BTBD9: variants seen among roughly 807,000 people sequenced by gnomAD.
BTBD9 encodes the protein BTB domain containing 9.
A neutral mutation model predicts 64.3 loss-of-function variants in BTBD9; 49 were observed. That is an observed-to-expected ratio of 0.76 (90% confidence interval 0.61 to 0.97). BTBD9 has a LOEUF of 0.97. BTBD9 is among the 50% of genes least tolerant of loss of function. BTBD9 has a pLI of 0.00. For missense variants in BTBD9, 598 were observed against 762.1 expected (o/e 0.78, Z 2.53); for synonymous variants, 260 against 274.7 (o/e 0.95, Z 0.53).
intron 10 of BTBD9, among the ~76,000 whole-genome samples, chr6:38,191,946 A>G (rs979704546): frequency 1.3e-5 from 2 of 152,254 alleles, no homozygotes; most frequent in Non-Finnish European, 2.9e-5. Context: ...GTGGCACACC[A>G]TAGAGCCAAT....
rs1767410044 is a variant in BTBD9 at position 38,411,187 on chromosome 6, A to G, written c.1155-66094T>C. Among the ~76,000 whole-genome samples the G allele has an allele frequency of 2.0e-5, 3 of 152,240 alleles. No individual in the cohort carries two copies. In the South Asian group the frequency reaches 6.2e-4, roughly 31 times the overall value. On this transcript the variant is annotated intron_variant, in intron 6 of 10. Coordinates refer to ENST00000481247, the MANE Select transcript of BTBD9 (RefSeq NM_001099272.2). ...TTAATAACATCTCAGTAAGAATACC[A>G]TAACCCATTCCCCATCAAAATTAGA...
At chr6:38,295,193 C>T (rs1762113717) in intron 7 of BTBD9, among the ~76,000 whole-genome samples, 2 of 152,066 alleles carry the variant, frequency 1.3e-5, no homozygotes. Context: ...GAGACACGGT[C>T]TCATTCTGTC....
chr6:38,180,585 C>G (rs1180899381), intron 10 of BTBD9, among the ~76,000 whole-genome samples: 1 of 152,166 alleles, frequency 6.6e-6, no homozygotes, highest in Non-Finnish European at 1.5e-5. Flanking sequence ...TCAAGTGATT[C>G]AATTTCTTTT....
In BTBD9 at chr6:38,241,807, T is replaced by C. The variant is rs137876920; in HGVS notation, c.1562+14602A>G. Among the ~76,000 whole-genome samples, 316 of 152,228 alleles carry C rather than the reference T, an allele frequency of 2.1e-3. 1 individual carries two copies. Among genetic ancestry groups the C allele is most frequent in the African/African-American group, 7.3e-3 (302 of 41,522 alleles). ...AAAACAGAGGGAAAAAAACCACACA[T>C]GCAAGTCTCTTTTCGTGGAAGGAAA... On this transcript the variant is annotated intron_variant, in intron 9 of 10. Transcript: ENST00000481247.
intron 6 of BTBD9, among the ~76,000 whole-genome samples, chr6:38,387,158 T>C (rs989699210): frequency 6.6e-6 from 1 of 152,246 alleles, no homozygotes; most frequent in Non-Finnish European, 1.5e-5. Flanking sequence ...AATCAAATCA[T>C]GTTTCTTTTT....
intron 6 of BTBD9, among the ~76,000 whole-genome samples, chr6:38,420,836 C>T (rs1267466295): frequency 6.6e-6 from 1 of 151,914 alleles, no homozygotes; most frequent in South Asian, 2.1e-4. Flanking sequence ...AGCTTGGCAA[C>T]AGAGTGAGAC....
chr6:38,465,706 ATTAT>A (rs1463671471), intron 6 of BTBD9, among the ~76,000 whole-genome samples: 11 of 60,392 alleles, frequency 1.8e-4, no homozygotes, highest in African/African-American at 5.4e-4. Context: ...AAATAAATAA[ATTAT>A]ATATATATAT....
intron 6 of BTBD9, among the ~76,000 whole-genome samples, chr6:38,388,969 A>G (rs1450093809): frequency 1.3e-5 from 2 of 152,212 alleles, no homozygotes. Flanking sequence ...AGCATTTTAA[A>G]CAAAGGGGGA....
intron 9 of BTBD9, among the ~76,000 whole-genome samples, chr6:38,206,571 A>T (rs1485124643): frequency 6.7e-6 from 1 of 148,484 alleles, no homozygotes; most frequent in Non-Finnish European, 1.5e-5. Context: ...ACAAATGATA[A>T]AAAAAAAAAG....
chr6:38,348,208 G>T (rs1582270416), intron 6 of BTBD9, among the ~76,000 whole-genome samples: 1 of 152,176 alleles, frequency 6.6e-6, no homozygotes, highest in Non-Finnish European at 1.5e-5. Flanking sequence ...GAATGGGAGA[G>T]TCCTCTCTCT....
intron 1 of BTBD9, among the ~76,000 whole-genome samples, chr6:38,629,456 T>C (rs1241858362): frequency 2.0e-5 from 3 of 152,212 alleles, no homozygotes; most frequent in African/African-American, 7.2e-5. Flanking sequence ...ACATCACATC[T>C]ATATTACCGC....
intron 10 of BTBD9, among the ~76,000 whole-genome samples, chr6:38,176,026 C>G (rs1761227995): frequency 6.6e-6 from 1 of 152,256 alleles, no homozygotes; most frequent in African/African-American, 2.4e-5. Flanking sequence ...AACACCGTGC[C>G]AGCACTGTGC....
In BTBD9 at chr6:38,171,386, A is replaced by G. The variant is rs1766751777; in HGVS notation, c.*3599T>C. On this transcript the variant is annotated 3_prime_UTR_variant, in exon 11 of 11. Coordinates refer to ENST00000481247, the MANE Select transcript of BTBD9 (RefSeq NM_001099272.2). ...ATTTCTTTTCCCAACTCTTCTAGGA[A>G]TAAAACACTTTTAATGTATTTGTCA... is the stretch of plus-strand genomic sequence containing the variant. 1 of 152,206 alleles carries G rather than the reference A, an allele frequency of 6.6e-6. No individual in the cohort carries two copies. 9.4% of individuals were successfully genotyped at this position (152,206 alleles called of 1,614,324 possible).
intron 6 of BTBD9, among the ~76,000 whole-genome samples, chr6:38,380,722 G>A (rs1273686610): frequency 6.6e-6 from 1 of 152,166 alleles, no homozygotes; most frequent in Non-Finnish European, 1.5e-5. Flanking sequence ...ATGTGCGCCT[G>A]TAGTCCCAGC....
chr6:38,374,694 C>T (rs1765614834), intron 6 of BTBD9, among the ~76,000 whole-genome samples: 1 of 152,122 alleles, frequency 6.6e-6, no homozygotes, highest in African/African-American at 2.4e-5. Context: ...TGCACACACA[C>T]AACAGACACC....
chr6:38,380,300 A>G (rs899081988), intron 6 of BTBD9, among the ~76,000 whole-genome samples: 1 of 152,240 alleles, frequency 6.6e-6, no homozygotes, highest in African/African-American at 2.4e-5. Flanking sequence ...ATTCTGAAAG[A>G]TATACTTCAG....
chr6:38,627,866 T>A (rs959391801), intron 1 of BTBD9, among the ~76,000 whole-genome samples: 1 of 151,874 alleles, frequency 6.6e-6, no homozygotes, highest in African/African-American at 2.4e-5. Flanking sequence ...TTGACAGGAG[T>A]GAGACTCATG....
intron 9 of BTBD9, among the ~76,000 whole-genome samples, chr6:38,238,252 T>C (rs1401792423): frequency 2.6e-5 from 4 of 152,126 alleles, no homozygotes; most frequent in Non-Finnish European, 4.4e-5. Context: ...GTGCTCAAGG[T>C]GGTCATTTGG....
Position 38,328,968 on chromosome 6 carries a change from ATGTGTGTGTG to A in BTBD9, c.1264+16006_1264+16015del, listed in dbSNP as rs70981541. 6.2e-3 allele frequency among the ~76,000 whole-genome samples: 793 copies of A among 127,334 alleles called. 6 individuals carry two copies. Among genetic ancestry groups the A allele is most frequent in the African/African-American group, 9.8e-3 (325 of 33,184 alleles). 83.5% of individuals were successfully genotyped at this position (127,334 alleles called of 152,430 possible). A position where few individuals can be genotyped will look rare whatever the true frequency, so the allele number is the denominator to read the frequency against. On this transcript the variant is annotated intron_variant, in intron 7 of 10. Coordinates refer to ENST00000481247, the MANE Select transcript of BTBD9 (RefSeq NM_001099272.2). ...TCTCAAAAAAAAAAAGAAAGAAAAT[ATGTGTGTGTG>A]TGTGTGTGTGTGTGTGTGTGTGTGT... is the stretch of plus-strand genomic sequence containing the variant.
Sources: allele counts gnomAD v4.1 joint callset (sites outside exome capture counted in the v4.1 genomes callset), GRCh38; gene constraint gnomAD v4.1.1; transcripts MANE v1.5; gene names NCBI Gene and HGNC (gene_info 2026-07-23, HGNC 2026-07-21).